The following CDKN2B-AS1 variants were observed in gnomAD, a reference collection of about 807,000 sequenced individuals.
CDKN2B-AS1 encodes CDKN2B antisense RNA 1 (non-protein coding).
chr9:22,104,449 G>A (rs190124856), intron 4 of CDKN2B-AS1, among the ~76,000 whole-genome samples: 1 of 152,246 alleles, frequency 6.6e-6, no homozygotes, highest in African/African-American at 2.4e-5. Flanking sequence ...GGGGATGAGG[G>A]AGACTCAGAA....
chr9:22,008,239 A>G (rs949622028), intron 1 of CDKN2B-AS1, among the ~76,000 whole-genome samples: 4 of 152,318 alleles, frequency 2.6e-5, no homozygotes, highest in South Asian at 2.1e-4. Context: ...ATAGAACTAT[A>G]TATTTTTTCT....
intron 3 of CDKN2B-AS1, among the ~76,000 whole-genome samples, chr9:22,049,892 TA>T (rs34360807): frequency 0.49 from 74,767 of 151,690 alleles, 19,056 homozygotes; most frequent in East Asian, 0.72. Context: ...TTTCCTTAAA[TA>T]TTTTTTTTCT....
At chr9:22,111,102 AT>A (rs1382735025) in intron 4 of CDKN2B-AS1, among the ~76,000 whole-genome samples, 1 of 151,880 alleles carries the variant, frequency 6.6e-6, no homozygotes, top group African/African-American at 2.4e-5. Context: ...TTCCCATTTT[AT>A]TTATTTATTT....
At chr9:22,081,362 G>A (rs1021682807) in intron 4 of CDKN2B-AS1, among the ~76,000 whole-genome samples, 34 of 151,606 alleles carry the variant, frequency 2.2e-4, no homozygotes, top group African/African-American at 8.3e-4. Flanking sequence ...GATTCTTGGG[G>A]AGGTTATTTA....
At chr9:22,106,374 C>T (rs757022309) in intron 4 of CDKN2B-AS1, among the ~76,000 whole-genome samples, 1 of 152,146 alleles carries the variant, frequency 6.6e-6, no homozygotes, top group Non-Finnish European at 1.5e-5. Flanking sequence ...AGCCACTGTG[C>T]CCGGCCTAAT....
intron 4 of CDKN2B-AS1, among the ~76,000 whole-genome samples, chr9:22,087,411 A>G (rs1159543384): frequency 1.3e-5 from 2 of 152,204 alleles, no homozygotes; most frequent in African/African-American, 4.8e-5. Context: ...CATTGACTGA[A>G]TCTACCCTGG....
intron 1 of CDKN2B-AS1, among the ~76,000 whole-genome samples, chr9:22,037,880 A>G (rs1272206379): frequency 6.6e-6 from 1 of 152,014 alleles, no homozygotes; most frequent in Non-Finnish European, 1.5e-5. Flanking sequence ...AAAAATATAT[A>G]TGGGGCTTAG....
chr9:22,014,892 AG>A (rs1313923060), intron 1 of CDKN2B-AS1, among the ~76,000 whole-genome samples: 1 of 151,850 alleles, frequency 6.6e-6, no homozygotes, highest in African/African-American at 2.4e-5. Context: ...TAGTTTACTG[AG>A]AATAATGATT....
At chr9:22,071,576 A>C (rs1265625463) in intron 4 of CDKN2B-AS1, among the ~76,000 whole-genome samples, 8 of 151,984 alleles carry the variant, frequency 5.3e-5, no homozygotes, top group Admixed American at 5.2e-4. Context: ...GCCACTAATT[A>C]TTTTTGTGAC....
chr9:22,085,720 CAA>C (rs5896963), intron 4 of CDKN2B-AS1, among the ~76,000 whole-genome samples: 4,949 of 117,746 alleles, frequency 0.042, 161 homozygotes, highest in East Asian at 0.17. Flanking sequence ...GACTCCGTCT[CAA>C]AAAAAAAAAA....
chr9:22,094,788 C>G (rs1267601294), intron 4 of CDKN2B-AS1, among the ~76,000 whole-genome samples: 1 of 143,784 alleles, frequency 7.0e-6, no homozygotes, highest in Non-Finnish European at 1.5e-5. Flanking sequence ...GTAGTTTGAT[C>G]ATCTGAAGAC....
At chr9:22,120,599 A>G (rs1051506953) in intron 4 of CDKN2B-AS1, 1 of 152,172 alleles carries the variant, frequency 6.6e-6, no homozygotes, top group Non-Finnish European at 1.5e-5. Flanking sequence ...ATATCTCTCT[A>G]CTAATGGTTT....
intron 1 of CDKN2B-AS1, chr9:22,029,570 G>T (rs1822381567): frequency 1.3e-6 from 1 of 776,818 alleles, no homozygotes; most frequent in African/African-American, 1.7e-5. Flanking sequence ...TGTGGTATGT[G>T]CCACTGAGGC....
At chr9:22,027,432 C>G (rs1412763329) in intron 1 of CDKN2B-AS1, among the ~76,000 whole-genome samples, 1 of 152,078 alleles carries the variant, frequency 6.6e-6, no homozygotes, top group South Asian at 2.1e-4. Flanking sequence ...GAAAAAATGC[C>G]AGGAGAAGGC....
At chr9:22,019,154 G>A (rs1821915030) in intron 1 of CDKN2B-AS1, among the ~76,000 whole-genome samples, 1 of 152,172 alleles carries the variant, frequency 6.6e-6, no homozygotes, top group Non-Finnish European at 1.5e-5. Flanking sequence ...TGAGAAATAA[G>A]CATGGAAAAA....
At chr9:22,118,303 G>T (rs1563992319) in intron 4 of CDKN2B-AS1, 1 of 152,160 alleles carries the variant, frequency 6.6e-6, no homozygotes, top group East Asian at 1.9e-4. Flanking sequence ...CAGAGAGAGA[G>T]ACTCATATTA....
At position 22,020,628 on chromosome 9, in the gene CDKN2B-AS1, C is replaced by T. The variant is rs549001586; in HGVS notation, n.29+25467C>T. 1.6e-3 allele frequency among the ~76,000 whole-genome samples: 242 copies of T among 152,220 alleles called. 5 individuals are homozygous for T. Among genetic ancestry groups the T allele is most frequent in the African/African-American group, 5.6e-3 (232 of 41,522 alleles). Reference sequence around the variant, plus strand: ...TTTTGATTTGCATTTTTCTAATGATCAGTGATGTTGAGCTTTTCTTCATAT... The same window carrying T: ...TTTTGATTTGCATTTTTCTAATGATTAGTGATGTTGAGCTTTTCTTCATAT... On this transcript the variant is annotated intron_variant and non_coding_transcript_variant, in intron 1 of 4. Transcript: ENST00000650946.
At chr9:22,021,733 G>T (rs1457094418) in intron 1 of CDKN2B-AS1, among the ~76,000 whole-genome samples, 2 of 152,076 alleles carry the variant, frequency 1.3e-5, no homozygotes, top group African/African-American at 4.8e-5. Flanking sequence ...CATGTCACCT[G>T]CAAAGAAAGA....
chr9:22,106,607 T>C (rs1202724060), intron 4 of CDKN2B-AS1, among the ~76,000 whole-genome samples: 2 of 152,190 alleles, frequency 1.3e-5, no homozygotes, highest in Non-Finnish European at 2.9e-5. Flanking sequence ...TTAAATAATA[T>C]ATGTAAATGC....
Sources: gnomAD v4.1 joint callset for allele counts (sites outside exome capture counted in the v4.1 genomes callset) on GRCh38, gnomAD v4.1.1 for gene constraint, MANE v1.5 for transcripts, NCBI Gene and HGNC (gene_info 2026-07-23, HGNC 2026-07-21) for gene names.